Variants in CDCA2 observed in about 807,000 individuals in gnomAD.
The protein encoded by CDCA2 is cell division cycle-associated protein 2.
Under a neutral mutation model 67.0 loss-of-function variants are expected in CDCA2, and 44 were observed. The observed-to-expected ratio is 0.66, with a 90% CI of 0.52 to 0.84. CDCA2 has a LOEUF of 0.84. Among genes scored for constraint, CDCA2 ranks in the 40% least tolerant of loss-of-function variants. The pLI is 0.00. For synonymous variants in CDCA2, 447 were observed against 418.7 expected, an observed-to-expected ratio of 1.07 and a Z score of -0.82; for missense variants, 1,253 against 1,203.2, an observed-to-expected ratio of 1.04 and a Z score of -0.61.
Position 25,507,586 on chromosome 8 carries a change from AG to A in CDCA2, c.2922del (p.Arg975GlyfsTer35). 2 of 1,614,210 alleles carry A rather than the reference AG, an allele frequency of 1.2e-6. No individual in the cohort carries two copies. Among genetic ancestry groups the A allele is most frequent in the Non-Finnish European group, 1.7e-6 (2 of 1,180,040 alleles). ...TGGTTCTTCCGATGAACCTGGTAAGAGGAGGAAGAGCTTTTGTATATCTACA... is the reference window on the plus strand; with the variant it reads ...TGGTTCTTCCGATGAACCTGGTAAGAGAGGAAGAGCTTTTGTATATCTACA... The part of the protein sequence containing the change: ...AAGSSDEPGK[R>X]RKSFCISTLA... On this transcript the variant is annotated frameshift_variant, in exon 15 of 15. Transcript: ENST00000330560. LOFTEE classifies it low-confidence loss of function (END_TRUNC).
chr8:25,499,230 G>A (rs1017438782), intron 13 of CDCA2, among the ~76,000 whole-genome samples: 7 of 151,938 alleles, frequency 4.6e-5, no homozygotes, highest in Admixed American at 4.6e-4. Flanking sequence ...ACCAGGGGCA[G>A]GCAAGTGTGT....
chr8:25,498,453 A>ACCACCCCC (rs375231236), intron 13 of CDCA2, among the ~76,000 whole-genome samples: 1 of 76,612 alleles, frequency 1.3e-5, no homozygotes, highest in African/African-American at 4.4e-5. Flanking sequence ...GGTAATCTGC[A>ACCACCCCC]CCCCCCCCCC....
At chr8:25,485,620 T>C (rs1455465227) in intron 10 of CDCA2, 139 bp from the exon 11 acceptor site, 1 of 496,846 alleles carries the variant, frequency 2.0e-6, no homozygotes, top group Non-Finnish European at 3.6e-6. Context: ...TGCTTTGAAT[T>C]TTAGAATCTT....
At chr8:25,488,282 T>C (rs927211281) in intron 12 of CDCA2, among the ~76,000 whole-genome samples, 59 of 152,322 alleles carry the variant, frequency 3.9e-4, no homozygotes, top group African/African-American at 1.3e-3. Context: ...AGTGAATAAA[T>C]TAACGAATTC....
intron 13 of CDCA2, among the ~76,000 whole-genome samples, chr8:25,495,575 C>T (rs1424956291): frequency 5.3e-5 from 8 of 152,050 alleles, no homozygotes; most frequent in East Asian, 1.9e-4. Flanking sequence ...CCACCACGCC[C>T]GGCTAATTTT....
At chr8:25,505,173 G>A (rs1270276231) in intron 14 of CDCA2, among the ~76,000 whole-genome samples, 2 of 151,580 alleles carry the variant, frequency 1.3e-5, no homozygotes, top group Non-Finnish European at 2.9e-5. Context: ...CTAGTATGTT[G>A]GATTTTATGC....
chr8:25,499,105 T>C (rs2117546496), intron 13 of CDCA2, among the ~76,000 whole-genome samples: 1 of 152,126 alleles, frequency 6.6e-6, no homozygotes, highest in South Asian at 2.1e-4. Context: ...TCTGTACTTT[T>C]TGGGTGTTTG....
intron 3 of CDCA2, among the ~76,000 whole-genome samples, chr8:25,461,800 G>A (rs1331478740): frequency 6.6e-6 from 1 of 152,220 alleles, no homozygotes; most frequent in Non-Finnish European, 1.5e-5. Context: ...ATGTGTTCAT[G>A]TATTTATTCA....
intron 13 of CDCA2, among the ~76,000 whole-genome samples, chr8:25,490,584 G>A (rs887850328): frequency 6.6e-6 from 1 of 152,136 alleles, no homozygotes; most frequent in Non-Finnish European, 1.5e-5. Flanking sequence ...AGAATTGGCA[G>A]GTACGATGGA....
intron 8 of CDCA2, among the ~76,000 whole-genome samples, chr8:25,480,327 G>A (rs888735607): frequency 2.6e-5 from 4 of 151,998 alleles, no homozygotes; most frequent in South Asian, 2.1e-4. Flanking sequence ...ATTAAGTATC[G>A]TATATAGCAT....
At chr8:25,468,556 T>TGTGTGTGC (rs1488757943) in intron 6 of CDCA2, 143 bp downstream of exon 6, 50 of 494,030 alleles carry the variant, frequency 1.0e-4, no homozygotes, top group East Asian at 3.5e-4. Context: ...TGTGTGTGTG[T>TGTGTGTGC]GCGTGTGTGT....
intron 13 of CDCA2, among the ~76,000 whole-genome samples, chr8:25,497,469 A>T (rs1339858711): frequency 6.7e-6 from 1 of 149,458 alleles, no homozygotes; most frequent in East Asian, 2.0e-4. Context: ...AGACAAGAAG[A>T]TCTTACTTAC....
chr8:25,479,983 A>G lies in CDCA2; in HGVS notation c.891A>G (p.Ala297=), dbSNP rs777469092. ...CCGTTTCGCCTGACACGTTCACAGC[A>G]GAAGTGAGCTCAGACGCAGTCCCTG... is the stretch of plus-strand genomic sequence containing the variant. ...SDAVSPDTFT[A]EVSSDAVPDV... The change falls in exon 8 of 15, where the codon GCA becomes GCG. Residue 297 remains alanine (A), a synonymous_variant. Coordinates refer to ENST00000330560, the MANE Select transcript of CDCA2 (RefSeq NM_152562.4). 6.2e-7 allele frequency: 1 copy of G among 1,614,062 alleles called. No homozygotes were observed. The highest frequency in any genetic ancestry group is 1.3e-5 in the African/African-American group (1 of 74,932).
At position 25,507,029 on chromosome 8, in the gene CDCA2, A is replaced by C; in HGVS notation, c.2363A>C (p.Lys788Thr). The change falls in exon 15 of 15, where the codon AAA becomes ACA. Residue 788 changes from lysine to threonine, a missense_variant. Coordinates refer to ENST00000330560, the MANE Select transcript of CDCA2 (RefSeq NM_152562.4). Reference protein sequence around the residue: ...QCNRLMPNSQKDCHCLGDVLI... With the variant: ...QCNRLMPNSQTDCHCLGDVLI... ...AATCGTTTAATGCCTAATTCACAAA[A>C]AGACTGTCATTGTTTAGGAGATGTC... 4 of 1,614,114 alleles carry C rather than the reference A, an allele frequency of 2.5e-6. No homozygotes were observed. Among genetic ancestry groups the C allele is most frequent in the Non-Finnish European group, 3.4e-6 (4 of 1,179,976 alleles).
At chr8:25,474,856 G>T (rs1006686765) in intron 7 of CDCA2, among the ~76,000 whole-genome samples, 3 of 152,204 alleles carry the variant, frequency 2.0e-5, no homozygotes, top group Non-Finnish European at 4.4e-5. Flanking sequence ...GTACTCCACA[G>T]ATGTGTGTGG....
At chr8:25,475,644 CT>C (rs1442412939) in intron 7 of CDCA2, among the ~76,000 whole-genome samples, 1 of 152,194 alleles carries the variant, frequency 6.6e-6, no homozygotes, top group Non-Finnish European at 1.5e-5. Context: ...GCTTCTCGAC[CT>C]GGCGAAGACC....
intron 3 of CDCA2, among the ~76,000 whole-genome samples, chr8:25,461,371 A>C (rs978476136): frequency 1.3e-5 from 2 of 152,124 alleles, no homozygotes; most frequent in Non-Finnish European, 2.9e-5. Context: ...ACTTAGATGG[A>C]AAAGAAGGAA....
chr8:25,484,676 C>T (rs1003377577), intron 10 of CDCA2, among the ~76,000 whole-genome samples: 3 of 150,556 alleles, frequency 2.0e-5, no homozygotes, highest in Non-Finnish European at 4.4e-5. Flanking sequence ...ACTGCAGCCT[C>T]AACCTCCCAG....
At chr8:25,486,667 TAGC>T (rs1232938664) in intron 11 of CDCA2, among the ~76,000 whole-genome samples, 1 of 143,110 alleles carries the variant, frequency 7.0e-6, no homozygotes, top group Non-Finnish European at 1.5e-5. Flanking sequence ...AAAAAAAAAT[TAGC>T]CAGGCATGGT....
Sources: allele counts gnomAD v4.1 joint callset (sites outside exome capture counted in the v4.1 genomes callset), GRCh38; gene constraint gnomAD v4.1.1; transcripts MANE v1.5; gene names NCBI Gene and HGNC (gene_info 2026-07-23, HGNC 2026-07-21).